Variants in APBB2 observed in about 807,000 individuals in gnomAD.
APBB2 encodes amyloid beta precursor protein binding family B member 2, also known as Fe65-like 1.
A neutral mutation model predicts 82.5 loss-of-function variants in APBB2; 38 were observed. The observed-to-expected ratio is 0.46, with a 90% CI of 0.36 to 0.60. APBB2 has a LOEUF of 0.60. Among genes scored for constraint, APBB2 ranks in the 20% least tolerant of loss-of-function variants. The pLI is 0.00. For missense variants in APBB2, 772 were observed against 972.3 expected (o/e 0.79, Z 2.74); for synonymous variants, 341 against 368.2 (o/e 0.93, Z 0.85).
At chr4:41,182,783 C>A (rs184446038) in intron 1 of APBB2, among the ~76,000 whole-genome samples, 4 of 152,204 alleles carry the variant, frequency 2.6e-5, no homozygotes, top group Admixed American at 2.6e-4. Flanking sequence ...GGGAAGAGCC[C>A]CTTATAAAAC....
At chr4:40,921,692 A>G (rs1781300074) in intron 10 of APBB2, among the ~76,000 whole-genome samples, 1 of 152,224 alleles carries the variant, frequency 6.6e-6, no homozygotes, top group Admixed American at 6.5e-5. Flanking sequence ...AGTACTTTCT[A>G]CAAATACGCT....
At chr4:40,960,288 G>T (rs1233633289) in intron 6 of APBB2, among the ~76,000 whole-genome samples, 2 of 151,808 alleles carry the variant, frequency 1.3e-5, no homozygotes, top group African/African-American at 4.8e-5. Context: ...ATTAAAAAAA[G>T]AATTTGAGGC....
intron 6 of APBB2, among the ~76,000 whole-genome samples, chr4:41,010,994 C>T (rs1482792691): frequency 2.0e-5 from 3 of 152,000 alleles, no homozygotes; most frequent in Non-Finnish European, 4.4e-5. Flanking sequence ...AAATACCATA[C>T]ACAATATTGT....
intron 3 of APBB2, among the ~76,000 whole-genome samples, chr4:41,070,583 T>C (rs1733491749): frequency 6.6e-6 from 1 of 152,226 alleles, no homozygotes; most frequent in Non-Finnish European, 1.5e-5. Context: ...ACTACAGGCG[T>C]GAGCCACCAT....
chr4:41,082,724 A>AT (rs1158859600), intron 3 of APBB2, among the ~76,000 whole-genome samples: 1 of 152,090 alleles, frequency 6.6e-6, no homozygotes, highest in Non-Finnish European at 1.5e-5. Flanking sequence ...AAAATTAATG[A>AT]TAAAATTAAT....
intron 12 of APBB2, among the ~76,000 whole-genome samples, chr4:40,861,588 T>C (rs979852754): frequency 1.3e-5 from 2 of 152,148 alleles, no homozygotes; most frequent in Non-Finnish European, 2.9e-5. Context: ...GTGAAGGATA[T>C]CTATGTTAGA....
chr4:40,859,640 T>G (rs1409180045), intron 12 of APBB2, among the ~76,000 whole-genome samples: 1 of 152,190 alleles, frequency 6.6e-6, no homozygotes. Flanking sequence ...ATCACAAATA[T>G]GAGTATCCAT....
intron 6 of APBB2, among the ~76,000 whole-genome samples, chr4:40,959,150 C>T (rs1792436720): frequency 6.6e-6 from 1 of 152,206 alleles, no homozygotes; most frequent in Non-Finnish European, 1.5e-5. Context: ...CTAAGTGTAA[C>T]TGCACAACAT....
At chr4:40,933,247 C>A (rs1274330605) in intron 10 of APBB2, among the ~76,000 whole-genome samples, 1 of 152,192 alleles carries the variant, frequency 6.6e-6, no homozygotes, top group Non-Finnish European at 1.5e-5. Flanking sequence ...TACAAACACT[C>A]AGGGCCCTGT....
rs1750076328 is a variant in APBB2 at position 40,826,724 on chromosome 4, CTGAACCA to C, written c.1732+401_1732+407del. On this transcript the variant is annotated intron_variant, in intron 14 of 17. Transcript: ENST00000508593. This position sits in a 1 kb window ranked among gnomAD's most constrained non-coding sequence, Gnocchi z 4.5. ...CACAAGGAGGTCGATCTGTAACTGGCTGAACCATCAACTGAGGTAACTCACTACCTTC... is the reference window on the plus strand; with the variant it reads ...CACAAGGAGGTCGATCTGTAACTGGCTCAACTGAGGTAACTCACTACCTTC... 5.9e-6 allele frequency: 1 copy of C among 170,192 alleles called. No homozygotes were observed. The highest frequency in any genetic ancestry group is 6.0e-5 in the Admixed American group (1 of 16,722). The allele number at this position is 170,192 out of a possible 1,614,324, so 10.5% of individuals were successfully genotyped here.
chr4:40,882,666 G>A (rs1045347690), intron 12 of APBB2, among the ~76,000 whole-genome samples: 21 of 152,168 alleles, frequency 1.4e-4, no homozygotes, highest in African/African-American at 3.1e-4. Context: ...GGTAGCAGAC[G>A]AGAGAAGCAG....
At chr4:41,193,583 G>A in intron 1 of APBB2, 9 of 985,036 alleles carry the variant, frequency 9.1e-6, no homozygotes, top group Middle Eastern at 5.2e-4. Context: ...GCTACTTTTT[G>A]TCAGTGAGCT....
At chr4:40,896,940 G>T (rs2154354746) in intron 10 of APBB2, among the ~76,000 whole-genome samples, 1 of 152,308 alleles carries the variant, frequency 6.6e-6, no homozygotes, top group South Asian at 2.1e-4. Flanking sequence ...CCCTAAGACA[G>T]CAATGTTACT....
intron 12 of APBB2, among the ~76,000 whole-genome samples, chr4:40,889,814 C>T: frequency 6.6e-6 from 1 of 152,118 alleles, no homozygotes. Flanking sequence ...AAATACACAT[C>T]AAATGGAATT....
chr4:41,109,797 G>A lies in APBB2; in HGVS notation c.-260-9047C>T, dbSNP rs180991268. 6.8e-3 allele frequency among the ~76,000 whole-genome samples: 1,039 copies of A among 152,190 alleles called. 13 individuals are homozygous for A. Among genetic ancestry groups the A allele is most frequent in the African/African-American group, 0.021 (888 of 41,516 alleles). On this transcript the variant is annotated intron_variant, in intron 2 of 17. Transcript: ENST00000508593. Reference sequence around the variant, plus strand: ...GAAAGCAATATGATTTTATAAAGGTGTTTATATCATTTTATCCCTATTTTA... The same window carrying A: ...GAAAGCAATATGATTTTATAAAGGTATTTATATCATTTTATCCCTATTTTA...
At chr4:40,958,364 G>T (rs2154388286) in intron 6 of APBB2, among the ~76,000 whole-genome samples, 1 of 152,238 alleles carries the variant, frequency 6.6e-6, no homozygotes, top group Admixed American at 6.5e-5. Flanking sequence ...GCTTAAGGGT[G>T]CTCCTTCCAA....
At chr4:41,142,847 C>T (rs538358396) in intron 2 of APBB2, 140 bp downstream of exon 2, 1 of 152,192 alleles carries the variant, frequency 6.6e-6, no homozygotes, top group Non-Finnish European at 1.5e-5. Flanking sequence ...ATGTATCTGC[C>T]ATTTACACAT....
chr4:41,027,907 G>A (rs986472272), intron 5 of APBB2, among the ~76,000 whole-genome samples: 13 of 152,244 alleles, frequency 8.5e-5, no homozygotes, highest in South Asian at 2.1e-4. Context: ...GCTATGTTGA[G>A]TGTGATTTAT....
rs1416207551 is a variant in APBB2 at position 40,930,149 on chromosome 4, T to C, written c.1254+4307A>G. ...AAAGTTTATAGCAAATAATATGATA[T>C]CAATATTAATGTCTTAGTTTTGACC... On this transcript the variant is annotated intron_variant, in intron 10 of 17. Transcript: ENST00000508593. 2.0e-5 allele frequency among the ~76,000 whole-genome samples: 3 copies of C among 152,146 alleles called. No individual in the cohort carries two copies. In the East Asian group the frequency reaches 5.8e-4, roughly 29 times the overall value.
Sources: allele counts gnomAD v4.1 joint callset (sites outside exome capture counted in the v4.1 genomes callset), GRCh38; gene constraint gnomAD v4.1.1; non-coding constraint Gnocchi (gnomAD v3.1); transcripts MANE v1.5; gene names NCBI Gene and HGNC (gene_info 2026-07-23, HGNC 2026-07-21).